The following SEMA3A variants were observed in gnomAD, a reference collection of about 807,000 sequenced individuals.
SEMA3A encodes semaphorin-3A.
A neutral mutation model predicts 97.9 loss-of-function variants in SEMA3A; 29 were observed. The ratio of observed to expected loss-of-function variants is 0.30; its 90% CI spans 0.22 to 0.40. The LOEUF is 0.40. Ranked by LOEUF, SEMA3A falls within the 10% of genes least tolerant of loss-of-function variation. The probability of loss-of-function intolerance (pLI) is 1.00; values close to 1 mark genes in which losing one functional copy is unlikely to be tolerated. For synonymous variants in SEMA3A, 321 were observed against 323.7 expected (o/e 0.99, Z 0.09); for missense variants, 763 against 951.3 (o/e 0.80, Z 2.60).
At chr7:84,074,169 C>T (rs1050175566) in intron 4 of SEMA3A, among the ~76,000 whole-genome samples, 1 of 152,122 alleles carries the variant, frequency 6.6e-6, no homozygotes, top group South Asian at 2.1e-4. Context: ...TGAACCTCAG[C>T]CCTCATTCTT....
At chr7:84,145,456 ATATC>A (rs1804056024) in intron 1 of SEMA3A, among the ~76,000 whole-genome samples, 1 of 152,190 alleles carries the variant, frequency 6.6e-6, no homozygotes, top group Admixed American at 6.5e-5. Context: ...AAATATAAAA[ATATC>A]TAAGAAAAAG....
intron 3 of SEMA3A, among the ~76,000 whole-genome samples, chr7:84,224,268 A>T (rs879370775): frequency 2.0e-5 from 3 of 151,984 alleles, no homozygotes; most frequent in Non-Finnish European, 4.4e-5. Context: ...TTCATTTTTT[A>T]TCTGAAGGTC....
intron 2 of SEMA3A, among the ~76,000 whole-genome samples, chr7:84,320,145 C>T (rs1801611689): frequency 6.6e-6 from 1 of 152,030 alleles, no homozygotes; most frequent in Non-Finnish European, 1.5e-5. Context: ...CACTGATTCC[C>T]TTGACCACAC....
intron 11 of SEMA3A, among the ~76,000 whole-genome samples, chr7:84,002,888 C>T (rs991117192): frequency 6.6e-6 from 1 of 152,132 alleles, no homozygotes; most frequent in East Asian, 1.9e-4. Context: ...CACTCTTACT[C>T]TAAGTTGGGC....
At chr7:84,327,618 T>TA (rs1237911390) in intron 2 of SEMA3A, among the ~76,000 whole-genome samples, 8 of 152,128 alleles carry the variant, frequency 5.3e-5, no homozygotes, top group South Asian at 2.1e-4. Flanking sequence ...ATGAGATCTT[T>TA]AAAAAAATCT....
intron 1 of SEMA3A, among the ~76,000 whole-genome samples, chr7:84,469,095 T>A (rs144647148): frequency 5.9e-5 from 9 of 152,268 alleles, no homozygotes; most frequent in Non-Finnish European, 1.0e-4. Context: ...ATGCCACGTG[T>A]TTTAAAAGTA....
At chr7:84,437,994 T>C (rs1805180940) in intron 1 of SEMA3A, among the ~76,000 whole-genome samples, 1 of 151,958 alleles carries the variant, frequency 6.6e-6, no homozygotes, top group South Asian at 2.1e-4. Context: ...GCTAAAAAGA[T>C]AAAGAATGAA....
intron 2 of SEMA3A, among the ~76,000 whole-genome samples, chr7:84,361,873 G>A (rs1409628890): frequency 2.0e-5 from 3 of 151,962 alleles, no homozygotes; most frequent in Non-Finnish European, 4.4e-5. Flanking sequence ...TAAAGGATCC[G>A]AGAAGAGAGA....
intron 11 of SEMA3A, 135 bp downstream of exon 11, chr7:84,005,204 T>G: frequency 1.5e-6 from 1 of 651,312 alleles, no homozygotes; most frequent in Non-Finnish European, 2.7e-6. Context: ...TTTGGGGAAA[T>G]CAAAAGTTAG....
chr7:84,478,014 G>C (rs1302919680), intron 1 of SEMA3A, among the ~76,000 whole-genome samples: 1 of 152,088 alleles, frequency 6.6e-6, no homozygotes, highest in South Asian at 2.1e-4. Flanking sequence ...CTGGTGTTGA[G>C]GTAACATCTT....
rs3832523 is a variant in SEMA3A, at chr7:84,002,133, CAAAG to C, written c.1361-91_1361-88del. On this transcript the variant is annotated intron_variant, in intron 11 of 16. Transcript: ENST00000265362. ...ATGAATGAAATATGTATTTGTCAGA[CAAAG>C]AACCTTTGATATCGGTCTTCCTTTT... 170,330 of 717,676 alleles carry C rather than the reference CAAAG, an allele frequency of 0.24. 21,059 individuals carry two copies. Among genetic ancestry groups the C allele is most frequent in the Middle Eastern group, 0.33 (1,330 of 4,070 alleles). 44.5% of individuals were successfully genotyped at this position (717,676 alleles called of 1,614,324 possible). A position where few individuals can be genotyped will look rare whatever the true frequency, so the allele number is the denominator to read the frequency against.
intron 2 of SEMA3A, among the ~76,000 whole-genome samples, chr7:84,329,419 T>C (rs1325304087): frequency 2.6e-5 from 4 of 152,046 alleles, no homozygotes; most frequent in African/African-American, 9.7e-5. Flanking sequence ...GTTTTTCAGC[T>C]CATCAGCTAT....
intron 2 of SEMA3A, 41 bp downstream of exon 2, chr7:84,134,753 G>A: frequency 7.2e-7 from 1 of 1,384,268 alleles, no homozygotes; most frequent in South Asian, 1.4e-5. Context: ...AACTTGAGAT[G>A]CTTCAAAATA....
In SEMA3A at chr7:84,321,890, AAAAAAAAAAG is replaced by A. The variant is rs1322047449; in HGVS notation, c.-168-14608_-168-14599del. Among the ~76,000 whole-genome samples the A allele has an allele frequency of 4.4e-3, 535 of 122,822 alleles. 18 individuals are homozygous for A. The highest frequency in any genetic ancestry group is 0.013 in the African/African-American group (463 of 35,134). 80.6% of individuals were successfully genotyped at this position (122,822 alleles called of 152,430 possible). A position where few individuals can be genotyped will look rare whatever the true frequency, so the allele number is the denominator to read the frequency against. On this transcript the variant is annotated intron_variant, in intron 2 of 3. Transcript: ENST00000424555. ...GACTACGGAAAAAAAAAAAAAAAAAAAAAAAAAAAGAAGAAGAAGAAGGAGGAAATACCTG... is the reference window on the plus strand; with the variant it reads ...GACTACGGAAAAAAAAAAAAAAAAAAAAGAAGAAGAAGGAGGAAATACCTG...
At chr7:84,212,397 A>C (rs570152450) in intron 3 of SEMA3A, among the ~76,000 whole-genome samples, 1 of 152,204 alleles carries the variant, frequency 6.6e-6, no homozygotes, top group African/African-American at 2.4e-5. Flanking sequence ...ATTCAATTTC[A>C]TCTACTTCTC....
rs10234961 is a variant in SEMA3A, at chr7:84,002,074, C to G, written c.1361-28G>C. The G allele has an allele frequency of 0.015, 20,008 of 1,302,130 alleles. 472 individuals carry two copies. Among genetic ancestry groups the G allele is most frequent in the African/African-American group, 0.1 (6,864 of 68,590 alleles). The allele number at this position is 1,302,130 out of a possible 1,614,324, so 80.7% of individuals were successfully genotyped here. A position where few individuals can be genotyped will look rare whatever the true frequency, so the allele number is the denominator to read the frequency against. Reference sequence around the variant, plus strand: ...TTGAAAGAAAGTGGGGAGAAGACCACAAGTTAAGTAGATCTGAACAGAGAT... The same window carrying G: ...TTGAAAGAAAGTGGGGAGAAGACCAGAAGTTAAGTAGATCTGAACAGAGAT... On this transcript the variant is annotated intron_variant, in intron 11 of 16. Coordinates refer to ENST00000265362, the MANE Select transcript of SEMA3A (RefSeq NM_006080.3).
chr7:84,188,986 C>T (rs983083365), intron 1 of SEMA3A, among the ~76,000 whole-genome samples: 1 of 151,814 alleles, frequency 6.6e-6, no homozygotes, highest in African/African-American at 2.4e-5. Flanking sequence ...GTAGCCTGCC[C>T]ATTTCCAAAT....
chr7:84,211,099 T>C (rs572442606), intron 3 of SEMA3A, among the ~76,000 whole-genome samples: 1 of 152,220 alleles, frequency 6.6e-6, no homozygotes, highest in Non-Finnish European at 1.5e-5. Flanking sequence ...AGGCAGATTC[T>C]ACTTAGCCAC....
At chr7:84,257,255 T>C (rs1259952915) in intron 3 of SEMA3A, among the ~76,000 whole-genome samples, 1 of 151,326 alleles carries the variant, frequency 6.6e-6, no homozygotes, top group African/African-American at 2.4e-5. Flanking sequence ...AAAAACAGGC[T>C]GGGCACTTTA....
Sources: gnomAD v4.1 joint callset for allele counts (sites outside exome capture counted in the v4.1 genomes callset) on GRCh38, gnomAD v4.1.1 for gene constraint, MANE v1.5 for transcripts, NCBI Gene and HGNC (gene_info 2026-07-23, HGNC 2026-07-21) for gene names.